Variants in FLNC observed in about 807,000 individuals in gnomAD.
The protein encoded by FLNC is filamin-C.
In FLNC, 91 loss-of-function variants were observed where a neutral mutation model predicts 254.3. That is an observed-to-expected ratio of 0.36 (90% confidence interval 0.30 to 0.43). The LOEUF (loss-of-function observed/expected upper bound fraction) is 0.43. FLNC is among the 20% of genes least tolerant of loss of function. The probability of loss-of-function intolerance (pLI) is 1.00; values close to 1 mark genes in which losing one functional copy is unlikely to be tolerated. For missense variants in FLNC, 2,853 were observed against 3,802.6 expected (o/e 0.75, Z 6.57); for synonymous variants, 1,430 against 1,577.2 (o/e 0.91, Z 2.21).
rs749357533 is a variant in FLNC at position 128,847,774 on chromosome 7, G to T, written c.4366G>T (p.Gly1456Cys). 6.2e-7 allele frequency: 1 copy of T among 1,614,128 alleles called. No homozygotes were observed. Among genetic ancestry groups the T allele is most frequent in the African/African-American group, 1.3e-5 (1 of 75,048 alleles). The stretch of plus-strand genomic sequence containing the variant: ...GTGCTCAGGGCCAGGGCTGGGGGCT[G>T]GTGTCAGGGCCCGGGTTCCTCAGAC... Reference protein sequence around the residue: ...VKCSGPGLGAGVRARVPQTFT... With the variant: ...VKCSGPGLGACVRARVPQTFT... The change falls in exon 25 of 48, where the codon GGT (glycine) becomes TGT (cysteine). Residue 1456 changes from glycine to cysteine, a missense_variant. This residue lies in a region of FLNC where 1,573 missense variants were observed against 1,883.5 expected (regional missense o/e 0.84). Transcript: ENST00000325888.
rs752335335 is a variant in FLNC, at chr7:128,856,709, A to T, written c.7385-36A>T. On this transcript the variant is annotated intron_variant, in intron 44 of 47. Transcript: ENST00000325888. This position sits in a 1 kb window ranked among gnomAD's most constrained non-coding sequence, Gnocchi z 5.9. ...GGGCTGGGGCCTTCTGGGGAGGGGA[A>T]GGATGGAGGCTAAGCCACCAACCCT... 1.4e-5 allele frequency: 22 copies of T among 1,614,038 alleles called. No homozygotes were observed. The highest frequency in any genetic ancestry group is 5.3e-5 in the African/African-American group (4 of 75,046).
chr7:128,844,171 G>C lies in FLNC; in HGVS notation c.3097G>C (p.Glu1033Gln). 1 of 1,613,896 alleles carries C rather than the reference G, an allele frequency of 6.2e-7. No individual in the cohort carries two copies. The change falls in exon 20 of 48, where the codon GAG becomes CAG. Residue 1033 changes from glutamate to glutamine, a missense_variant. Physicochemically the swap from Glu to Gln is conservative, Grantham distance 29 (BLOSUM62 2). This residue lies in a region of FLNC where 1,573 missense variants were observed against 1,883.5 expected (regional missense o/e 0.84). Coordinates refer to ENST00000325888, the MANE Select transcript of FLNC (RefSeq NM_001458.5). ...GGCTGTGCGCTACATGCCCCCGGAG[G>C]AGGGGCCCTACAAGGTGGATATCAC... is the stretch of plus-strand genomic sequence containing the variant. ...AQAVRYMPPE[E>Q]GPYKVDITYD...
In FLNC at chr7:128,840,019, CT is replaced by C. The variant is rs765490580; in HGVS notation, c.1412-3del. On this transcript the variant is annotated splice_region_variant and splice_polypyrimidine_tract_variant and intron_variant, in intron 8 of 47. Transcript: ENST00000325888. ...CCCCAACCTCCTTTCTCTTCCTCCC[CT>C]AGCCTGTAACCCCAACGCCTGCCGC... 36 of 1,612,804 alleles carry C rather than the reference CT, an allele frequency of 2.2e-5. No homozygotes were observed. The South Asian group carries it at 3.1e-4, about 14-fold the overall frequency.
At position 128,855,284 on chromosome 7, in the gene FLNC, C is replaced by T. The variant is rs3816885; in HGVS notation, c.7221C>T (p.Asp2407=). 0.076 allele frequency: 122,472 copies of T among 1,612,590 alleles called. 11,535 individuals carry two copies. The highest frequency in any genetic ancestry group is 0.38 in the African/African-American group (28,475 of 74,836). Residue 2407 remains aspartate, a synonymous_variant, in exon 43 of 48, where the codon GAC becomes GAT. Coordinates refer to ENST00000325888, the MANE Select transcript of FLNC (RefSeq NM_001458.5). The part of the protein sequence containing the change: ...FVVPVASLSD[D]ARRLTVTSLQ... ...TGCCTGTGGCCTCCCTCTCGGATGA[C>T]GCTCGCCGTCTCACTGTCACCAGCC...
chr7:128,835,206 C>T lies in FLNC; in HGVS notation c.353-120C>T. On this transcript the variant is annotated intron_variant, in intron 1 of 47. Transcript: ENST00000325888. This position sits in a 1 kb window ranked among gnomAD's most constrained non-coding sequence, Gnocchi z 5.3. Reference sequence around the variant, plus strand: ...CGCAGGAGGGAGAGGGTCAGGTAGGCAGAGACTAGAGGCCTGACCCCAGAG... The same window carrying T: ...CGCAGGAGGGAGAGGGTCAGGTAGGTAGAGACTAGAGGCCTGACCCCAGAG... 1.5e-6 allele frequency: 2 copies of T among 1,343,150 alleles called. No individual in the cohort carries two copies. The highest frequency in any genetic ancestry group is 2.1e-6 in the Non-Finnish European group (2 of 948,780). The allele number at this position is 1,343,150 out of a possible 1,614,324, so 83.2% of individuals were successfully genotyped here.
chr7:128,841,516 C>A lies in FLNC; in HGVS notation c.2070C>A (p.Phe690Leu). ...GCATCGTGGACAAGCCCGCTGAGTT[C>A]ACCATTGATGCTCGTGCAGCTGGCA... is the stretch of plus-strand genomic sequence containing the variant. ...TGCIVDKPAEFTIDARAAGKG... is the reference protein window; with the variant it reads ...TGCIVDKPAELTIDARAAGKG... The change falls in exon 13 of 48, where the codon TTC becomes TTA. Residue 690 changes from phenylalanine to leucine, a missense_variant. Physicochemically the swap from Phe to Leu is conservative, Grantham distance 22. Transcript: ENST00000325888. The surrounding 1 kb of genome is among the most constrained non-coding windows in gnomAD (Gnocchi z 4.3). The A allele has an allele frequency of 6.2e-7, 1 of 1,614,198 alleles. No homozygotes were observed. The highest frequency in any genetic ancestry group is 1.1e-5 in the South Asian group (1 of 91,076).
chr7:128,852,727 G>A lies in FLNC; in HGVS notation c.5979G>A (p.Leu1993=). 1 of 1,613,166 alleles carries A rather than the reference G, an allele frequency of 6.2e-7. No homozygotes were observed. Among genetic ancestry groups the A allele is most frequent in the Non-Finnish European group, 8.5e-7 (1 of 1,179,742 alleles). Residue 1993 remains leucine, a synonymous_variant, in exon 36 of 48, where the codon CTG becomes CTA. Transcript: ENST00000325888. The part of the protein sequence containing the change: ...APSGNEEPCL[L]KRLPNRHIGI... Reference sequence around the variant, plus strand: ...CGGGCAACGAGGAGCCCTGCCTGCTGAAGCGCCTGCCCAACCGGCACATTG... The same window carrying A: ...CGGGCAACGAGGAGCCCTGCCTGCTAAAGCGCCTGCCCAACCGGCACATTG...
In FLNC at chr7:128,840,876, G is replaced by C. The variant is rs756929588; in HGVS notation, c.1719G>C (p.Lys573Asn). ...TGAGCCCAGAGGCAGGAGTGCAAAA[G>C]GTCCGGGCCTGGGGTCCTGGTTTGG... ...VQVSPEAGVQ[K>N]VRAWGPGLET... The change falls in exon 11 of 48, where the codon AAG becomes AAC. Residue 573 changes from lysine (K) to asparagine (N), a missense_variant. Around this residue, in one of 10 missense-constraint regions of FLNC, gnomAD observed 1,573 missense variants for 1,883.5 expected, o/e 0.84. Coordinates refer to ENST00000325888, the MANE Select transcript of FLNC (RefSeq NM_001458.5). 1.2e-6 allele frequency: 2 copies of C among 1,614,032 alleles called. No individual in the cohort carries two copies. Among genetic ancestry groups the C allele is most frequent in the Non-Finnish European group, 1.7e-6 (2 of 1,179,998 alleles).
In FLNC at chr7:128,844,774, C is replaced by T. The variant is rs758167652; in HGVS notation, c.3309C>T (p.Cys1103=). ...TGGGGCTGACCGTAGAGGGCCCCTG[C>T]GAGGCCAAGATCGAGTGCCAGGACA... ...GGLGLTVEGP[C]EAKIECQDNG... The change falls in exon 21 of 48, where the codon TGC becomes TGT. Residue 1103 remains cysteine, a synonymous_variant. Coordinates refer to ENST00000325888, the MANE Select transcript of FLNC (RefSeq NM_001458.5). The T allele has an allele frequency of 1.9e-5, 30 of 1,614,040 alleles. No individual in the cohort carries two copies. The highest frequency in any genetic ancestry group is 2.3e-5 in the Non-Finnish European group (27 of 1,180,026).
Position 128,841,181 on chromosome 7 carries a change from GA to G in FLNC, c.1826del (p.Glu609GlyfsTer62). On this transcript the variant is annotated frameshift_variant, in exon 12 of 48. Transcript: ENST00000325888. LOFTEE classifies it high-confidence loss of function. The surrounding 1 kb of genome is among the most constrained non-coding windows in gnomAD (Gnocchi z 4.3). The stretch of plus-strand genomic sequence containing the variant: ...CCACCTTGCCCCAGGCTTCTCCATC[GA>G]GGGGCCCTCACAAGCCAAGATCGAA... ...TEVGTLGFSI[E>X]GPSQAKIECD... 6.2e-7 allele frequency: 1 copy of G among 1,613,846 alleles called. No homozygotes were observed. Among genetic ancestry groups the G allele is most frequent in the African/African-American group, 1.3e-5 (1 of 75,018 alleles).
intron 6 of FLNC, 54 bp from the exon 7 acceptor site, chr7:128,838,213 C>G: frequency 1.9e-6 from 3 of 1,582,266 alleles, no homozygotes; most frequent in Non-Finnish European, 2.6e-6. Context: ...GCCCCTCTGC[C>G]CCCTCTCAGG....
At chr7:128,848,464 C>A (rs1585163452) in intron 26 of FLNC, 97 bp from the exon 27 acceptor site, 10 of 1,301,406 alleles carry the variant, frequency 7.7e-6, no homozygotes, top group Non-Finnish European at 1.1e-5. Flanking sequence ...TCCCTCCTGC[C>A]CATGTCTATG....
intron 20 of FLNC, 130 bp downstream of exon 20, chr7:128,844,396 C>CCT (rs2128936280): frequency 8.8e-7 from 1 of 1,135,740 alleles, no homozygotes; most frequent in East Asian, 2.6e-5. Flanking sequence ...GGGGCTGAGG[C>CCT]CAGCCCCACC....
rs1401495485 is a variant in FLNC at position 128,854,184 on chromosome 7, G to A, written c.6695G>A (p.Gly2232Glu). Residue 2232 changes from glycine (G) to glutamate (E), a missense_variant, in exon 40 of 48, where the codon GGA (glycine) becomes GAA (glutamate). Gly to Glu is a moderately conservative substitution (Grantham distance 98). Transcript: ENST00000325888. Reference sequence around the variant, plus strand: ...GACTTCCTGGGCCGGGAGCGCCTGGGATCCTTCGGCAGCATCACCCGGCAG... The same window carrying A: ...GACTTCCTGGGCCGGGAGCGCCTGGAATCCTTCGGCAGCATCACCCGGCAG... The part of the protein sequence containing the change: ...FGDFLGRERL[G>E]SFGSITRQQE... The A allele has an allele frequency of 1.9e-6, 3 of 1,609,368 alleles. No homozygotes were observed. Among genetic ancestry groups the A allele is most frequent in the Admixed American group, 3.3e-5 (2 of 59,948 alleles).
intron 35 of FLNC, 89 bp from the exon 36 acceptor site, chr7:128,852,502 G>A (rs1808859796): frequency 1.4e-6 from 2 of 1,468,666 alleles, no homozygotes; most frequent in Non-Finnish European, 1.9e-6. Context: ...GTTGAGTCCA[G>A]GGGGGGCTGC....
Position 128,842,536 on chromosome 7 carries a change from G to T in FLNC, c.2266-39G>T. The T allele has an allele frequency of 6.5e-7, 1 of 1,548,896 alleles. No homozygotes were observed. The highest frequency in any genetic ancestry group is 8.7e-7 in the Non-Finnish European group (1 of 1,146,582). On this transcript the variant is annotated intron_variant, in intron 14 of 47. Coordinates refer to ENST00000325888, the MANE Select transcript of FLNC (RefSeq NM_001458.5). This position sits in a 1 kb window ranked among gnomAD's most constrained non-coding sequence, Gnocchi z 5.4. ...TGCGCTGGGCAGGAGGATGAGCCTT[G>T]AGGGAGGGCACCACGCTGAGCTGCG...
intron 40 of FLNC, 56 bp downstream of exon 40, chr7:128,854,272 C>T (rs529846596): frequency 3.6e-5 from 57 of 1,602,938 alleles, no homozygotes; most frequent in African/African-American, 8.0e-5. Context: ...GAGGGTGCTG[C>T]GGACCAGGCT....
chr7:128,841,415 T>C lies in FLNC; in HGVS notation c.2008-39T>C. 1 of 1,611,988 alleles carries C rather than the reference T, an allele frequency of 6.2e-7. No individual in the cohort carries two copies. Among genetic ancestry groups the C allele is most frequent in the Non-Finnish European group, 8.5e-7 (1 of 1,178,096 alleles). Reference sequence around the variant, plus strand: ...CCCCGGGGGTGGGGCAAGCTGGTTCTCCTCCCCTCCCCAACTCAGCCTTCT... The same window carrying C: ...CCCCGGGGGTGGGGCAAGCTGGTTCCCCTCCCCTCCCCAACTCAGCCTTCT... On this transcript the variant is annotated intron_variant, in intron 12 of 47. Coordinates refer to ENST00000325888, the MANE Select transcript of FLNC (RefSeq NM_001458.5). The surrounding 1 kb of genome is among the most constrained non-coding windows in gnomAD (Gnocchi z 4.3).
At position 128,842,619 on chromosome 7, in the gene FLNC, C is replaced by T. The variant is rs374087953; in HGVS notation, c.2310C>T (p.Tyr770=). The change falls in exon 15 of 48, where the codon TAC becomes TAT. Residue 770 remains tyrosine, a synonymous_variant. Coordinates refer to ENST00000325888, the MANE Select transcript of FLNC (RefSeq NM_001458.5). The surrounding 1 kb of genome is among the most constrained non-coding windows in gnomAD (Gnocchi z 5.4). ...EGSHPERVKV[Y]GPGVEKTGLK... ...GCCACCCCGAGCGGGTAAAGGTGTA[C>T]GGCCCCGGAGTGGAGAAGACAGGCC... 4.7e-5 allele frequency: 73 copies of T among 1,550,098 alleles called. No homozygotes were observed. The highest frequency in any genetic ancestry group is 7.3e-5 in the East Asian group (3 of 40,974).
Sources: allele counts gnomAD v4.1 joint callset, GRCh38; gene constraint gnomAD v4.1.1; regional missense constraint gnomAD v4.1.1; non-coding constraint Gnocchi (gnomAD v3.1); transcripts MANE v1.5; gene names NCBI Gene and HGNC (gene_info 2026-07-23, HGNC 2026-07-21).